The following FRMD3 variants were observed in gnomAD, a reference collection of about 807,000 sequenced individuals.
FRMD3 encodes FERM domain containing 3.
FRMD3 carries 33 observed loss-of-function variants against 70.2 expected under a neutral mutation model. That is an observed-to-expected ratio of 0.47 (90% confidence interval 0.36 to 0.63). FRMD3 has a LOEUF of 0.63. Ranked by LOEUF, FRMD3 falls within the 20% of genes least tolerant of loss-of-function variation. FRMD3 has a pLI of 0.00. For missense variants in FRMD3, 632 were observed against 711.4 expected, an observed-to-expected ratio of 0.89 and a Z score of 1.27; for synonymous variants, 279 against 255.9, an observed-to-expected ratio of 1.09 and a Z score of -0.86.
intron 1 of FRMD3, among the ~76,000 whole-genome samples, chr9:83,510,363 C>T (rs1266978004): frequency 6.6e-6 from 1 of 152,188 alleles, no homozygotes; most frequent in Non-Finnish European, 1.5e-5. Flanking sequence ...CTCAAAAAGT[C>T]AGATAATAAC....
chr9:83,331,789 A>C, intron 6 of FRMD3: 1 of 705,552 alleles, frequency 1.4e-6, no homozygotes. Context: ...AAACAACTCT[A>C]TTAGTCAATG....
intron 1 of FRMD3, among the ~76,000 whole-genome samples, chr9:83,454,540 T>A (rs951052248): frequency 1.3e-5 from 2 of 152,242 alleles, no homozygotes; most frequent in African/African-American, 4.8e-5. Context: ...TTGCAAACGA[T>A]GTATTCTGGA....
chr9:83,469,711 G>A (rs1479243979), intron 1 of FRMD3, among the ~76,000 whole-genome samples: 1 of 152,148 alleles, frequency 6.6e-6, no homozygotes, highest in Non-Finnish European at 1.5e-5. Flanking sequence ...TTAAACTGGA[G>A]GAGAGGGAAA....
chr9:83,387,908 A>G (rs1159590981), intron 2 of FRMD3, among the ~76,000 whole-genome samples: 1 of 152,164 alleles, frequency 6.6e-6, no homozygotes. Context: ...TAGGGTTCAC[A>G]CTACGCAAAC....
intron 1 of FRMD3, among the ~76,000 whole-genome samples, chr9:83,458,532 T>C (rs1233315012): frequency 2.6e-5 from 4 of 152,206 alleles, no homozygotes. Context: ...GGGTATTGCA[T>C]GTCTAATTAC....
At chr9:83,478,692 T>C (rs1229366135) in intron 1 of FRMD3, among the ~76,000 whole-genome samples, 3 of 152,196 alleles carry the variant, frequency 2.0e-5, no homozygotes, top group Non-Finnish European at 2.9e-5. Flanking sequence ...AAAAGATATG[T>C]GTACAGGAGT....
At chr9:83,256,374 A>G (rs1159902426) in intron 13 of FRMD3, among the ~76,000 whole-genome samples, 1 of 152,202 alleles carries the variant, frequency 6.6e-6, no homozygotes, top group African/African-American at 2.4e-5. Flanking sequence ...CTAACTTAAG[A>G]TGGATTAAAG....
chr9:83,490,798 T>TCTCACACACACA (rs752047493), intron 1 of FRMD3, among the ~76,000 whole-genome samples: 1 of 110,786 alleles, frequency 9.0e-6, no homozygotes, highest in African/African-American at 3.7e-5. Context: ...TCTCTCTCTC[T>TCTCACACACACA]CACACACACA....
rs144672836 is a variant in FRMD3 at position 83,377,858 on chromosome 9, A to C, written c.253-4903T>G. Among the ~76,000 whole-genome samples, 704 of 152,272 alleles carry C rather than the reference A, an allele frequency of 4.6e-3. 9 individuals are homozygous for C. Among genetic ancestry groups the C allele is most frequent in the African/African-American group, 0.016 (662 of 41,546 alleles). ...ACAGTACATTACACAAATAATTAAA[A>C]ATCTACTTTTTAAAAAAAGACGGCT... On this transcript the variant is annotated intron_variant, in intron 2 of 13. Coordinates refer to ENST00000304195, the MANE Select transcript of FRMD3 (RefSeq NM_174938.6).
At chr9:83,406,199 C>G (rs907650235) in intron 1 of FRMD3, among the ~76,000 whole-genome samples, 2 of 152,162 alleles carry the variant, frequency 1.3e-5, no homozygotes, top group Non-Finnish European at 2.9e-5. Context: ...CAGTCACTAA[C>G]ACCAATCTTC....
intron 1 of FRMD3, among the ~76,000 whole-genome samples, chr9:83,459,004 A>C (rs945299692): frequency 2.0e-5 from 3 of 152,200 alleles, no homozygotes; most frequent in Admixed American, 6.5e-5. Context: ...CCACCTGTTC[A>C]TCAAGTTATT....
At chr9:83,447,551 T>C (rs561888506) in intron 1 of FRMD3, among the ~76,000 whole-genome samples, 2 of 150,894 alleles carry the variant, frequency 1.3e-5, no homozygotes, top group East Asian at 4.0e-4. Flanking sequence ...AGGTGAGTTC[T>C]GTCATGGGGG....
At chr9:83,363,896 C>A (rs1321287584) in intron 3 of FRMD3, among the ~76,000 whole-genome samples, 2 of 152,166 alleles carry the variant, frequency 1.3e-5, no homozygotes, top group Non-Finnish European at 2.9e-5. Context: ...AACCAGATTA[C>A]TCTCCAAAGT....
At position 83,290,622 on chromosome 9, in the gene FRMD3, T is replaced by C; in HGVS notation, c.1176A>G (p.Glu392=). ...ACTTACCCTCACCCAGAGGAAGTTC[T>C]TCTTCTTGCTCGCTGGGGGAAGGAA... ...PLLPSPSEQE[E]ELPLGEGVPL... is the part of the protein sequence containing the mutation. The change falls in exon 13 of 14, where the codon GAA becomes GAG. Residue 392 remains glutamate (E), a synonymous_variant. Coordinates refer to ENST00000304195, the MANE Select transcript of FRMD3 (RefSeq NM_174938.6). 1 of 1,614,120 alleles carries C rather than the reference T, an allele frequency of 6.2e-7. No individual in the cohort carries two copies.
rs375316160 is a variant in FRMD3, at chr9:83,332,000, T to G, written c.596+3516A>C. The G allele has an allele frequency of 8.0e-4, 535 of 667,950 alleles. 9 individuals carry two copies. In the East Asian group the frequency reaches 0.011, roughly 14 times the overall value. 41.4% of individuals were successfully genotyped at this position (667,950 alleles called of 1,614,324 possible). Reference sequence around the variant, plus strand: ...GCTCTTTTCCTTGTGGCTCAACATCTGGCAAATCCAAGTTTCTGACTTCCC... The same window carrying G: ...GCTCTTTTCCTTGTGGCTCAACATCGGGCAAATCCAAGTTTCTGACTTCCC... On this transcript the variant is annotated intron_variant, in intron 6 of 13. Coordinates refer to ENST00000304195, the MANE Select transcript of FRMD3 (RefSeq NM_174938.6).
chr9:83,425,907 C>CAAA lies in FRMD3; in HGVS notation c.148-36202_148-36200dup, dbSNP rs71498055. Among the ~76,000 whole-genome samples the CAAA allele has an allele frequency of 6.0e-3, 514 of 85,950 alleles. 7 individuals carry two copies. Among genetic ancestry groups the CAAA allele is most frequent in the African/African-American group, 0.013 (273 of 21,790 alleles). The allele number at this position is 85,950 out of a possible 152,430, so 56.4% of individuals were successfully genotyped here. A position where few individuals can be genotyped will look rare whatever the true frequency, so the allele number is the denominator to read the frequency against. On this transcript the variant is annotated intron_variant, in intron 1 of 13. Coordinates refer to ENST00000304195, the MANE Select transcript of FRMD3 (RefSeq NM_174938.6). ...GGGCAAGAAGAGTAAAACTCCGTCTCAAAAAAAAAAAAAAAAAAAAACAAC... is the reference window on the plus strand; with the variant it reads ...GGGCAAGAAGAGTAAAACTCCGTCTCAAAAAAAAAAAAAAAAAAAAAAAACAAC...
intron 10 of FRMD3, among the ~76,000 whole-genome samples, chr9:83,301,082 G>A (rs1587697983): frequency 6.6e-6 from 1 of 152,204 alleles, no homozygotes; most frequent in Non-Finnish European, 1.5e-5. Flanking sequence ...GTCAGGGCAG[G>A]GCCCAGAGAA....
intron 2 of FRMD3, among the ~76,000 whole-genome samples, chr9:83,378,837 A>G (rs1341855383): frequency 7.8e-6 from 1 of 128,088 alleles, no homozygotes; most frequent in Non-Finnish European, 1.5e-5. Context: ...AAATATATAT[A>G]CTATATATAA....
At chr9:83,543,445 T>C (rs1014216230), upstream of FRMD3, among the ~76,000 whole-genome samples, 4 of 152,158 alleles carry the variant, frequency 2.6e-5, no homozygotes, top group African/African-American at 9.7e-5. Flanking sequence ...GGGAATTTCT[T>C]GAGGGCACTG....
Sources: gnomAD v4.1 joint callset for allele counts (sites outside exome capture counted in the v4.1 genomes callset) on GRCh38, gnomAD v4.1.1 for gene constraint, MANE v1.5 for transcripts, NCBI Gene and HGNC (gene_info 2026-07-23, HGNC 2026-07-21) for gene names.